SLC13A1: variants seen among roughly 807,000 people sequenced by gnomAD.
SLC13A1 encodes solute carrier family 13 member 1.
A neutral mutation model predicts 70.0 loss-of-function variants in SLC13A1; 65 were observed. The ratio of observed to expected loss-of-function variants is 0.93; its 90% CI spans 0.76 to 1.14. SLC13A1 has a LOEUF of 1.14. SLC13A1 is among the 50% of genes most tolerant of loss of function. The pLI is 0.00. For synonymous variants in SLC13A1, 275 were observed against 250.5 expected, an observed-to-expected ratio of 1.10 and a Z score of -0.92; for missense variants, 726 against 717.8, an observed-to-expected ratio of 1.01 and a Z score of -0.13.
intron 6 of SLC13A1, among the ~76,000 whole-genome samples, chr7:123,166,032 C>T (rs1315337928): frequency 1.3e-5 from 2 of 151,998 alleles, no homozygotes; most frequent in Non-Finnish European, 2.9e-5. Context: ...AATGTCTTTA[C>T]ATTATACTTC....
intron 1 of SLC13A1, among the ~76,000 whole-genome samples, chr7:123,194,378 C>A (rs1796105911): frequency 6.6e-6 from 1 of 152,000 alleles, no homozygotes; most frequent in South Asian, 2.1e-4. Context: ...GAGGAAAATG[C>A]AAATGTGGGA....
chr7:123,166,517 T>C (rs887487396), intron 6 of SLC13A1, among the ~76,000 whole-genome samples: 3 of 152,184 alleles, frequency 2.0e-5, no homozygotes, highest in South Asian at 2.1e-4. Flanking sequence ...TAACATTAGG[T>C]ATATCTCCTA....
intron 7 of SLC13A1, among the ~76,000 whole-genome samples, chr7:123,138,097 T>G (rs1794011732): frequency 6.6e-6 from 1 of 152,158 alleles, no homozygotes; most frequent in East Asian, 1.9e-4. Flanking sequence ...TTGGTCACCA[T>G]TCTTCTACTG....
chr7:123,163,348 T>C (rs1794972866), intron 6 of SLC13A1, among the ~76,000 whole-genome samples: 1 of 152,100 alleles, frequency 6.6e-6, no homozygotes, highest in African/African-American at 2.4e-5. Flanking sequence ...CCACTTTATT[T>C]TGGGCAAGTA....
At chr7:123,151,952 ATCT>A (rs1794571764) in intron 6 of SLC13A1, among the ~76,000 whole-genome samples, 2 of 152,056 alleles carry the variant, frequency 1.3e-5, no homozygotes, top group Admixed American at 6.6e-5. Flanking sequence ...GTGTTTATAG[ATCT>A]TCTTGCATCA....
At position 123,115,590 on chromosome 7, in the gene SLC13A1, C is replaced by T. The variant is rs1410166299; in HGVS notation, c.1716G>A (p.Trp572Ter). ...VAVVMLGICT[W>*]IVPMFDLYTY... The stretch of plus-strand genomic sequence containing the variant: ...TGTAGAGGTCAAACATGGGTACAAT[C>T]CAAGTACATATGCCAAGCATAACCA... The change falls in exon 15 of 15, where the codon TGG becomes TGA. Residue 572 changes from tryptophan to a stop codon, truncating the protein, a stop_gained. Transcript: ENST00000194130. LOFTEE classifies it high-confidence loss of function. The T allele has an allele frequency of 1.9e-6, 3 of 1,613,602 alleles. No homozygotes were observed. The African/African-American group carries it at 4.0e-5, about 22-fold the overall frequency.
chr7:123,121,110 T>C (rs1229444772), intron 12 of SLC13A1, among the ~76,000 whole-genome samples: 1 of 152,114 alleles, frequency 6.6e-6, no homozygotes, highest in Non-Finnish European at 1.5e-5. Context: ...GTTCTAATGT[T>C]CTTATCTCTT....
In SLC13A1 at chr7:123,122,062, C is replaced by T. The variant is rs1045710060; in HGVS notation, c.1350+1064G>A. On this transcript the variant is annotated intron_variant, in intron 12 of 14. Coordinates refer to ENST00000194130, the MANE Select transcript of SLC13A1 (RefSeq NM_022444.4). ...GAGAACCTTGTGCATCAGGCTGAGTCCACACCTTTTCGTTTCCTCAGATTT... is the reference window on the plus strand; with the variant it reads ...GAGAACCTTGTGCATCAGGCTGAGTTCACACCTTTTCGTTTCCTCAGATTT... 2.0e-5 allele frequency among the ~76,000 whole-genome samples: 3 copies of T among 152,062 alleles called. 1 individual carries two copies. The highest frequency in any genetic ancestry group is 4.1e-4 in the South Asian group (2 of 4,832).
chr7:123,162,075 A>G (rs542838189), intron 6 of SLC13A1, among the ~76,000 whole-genome samples: 1 of 151,342 alleles, frequency 6.6e-6, no homozygotes, highest in East Asian at 1.9e-4. Context: ...ATAGGAGAAC[A>G]CTGTTGAGTA....
chr7:123,175,715 A>G (rs961074652), intron 2 of SLC13A1, among the ~76,000 whole-genome samples: 1 of 152,158 alleles, frequency 6.6e-6, no homozygotes, highest in African/African-American at 2.4e-5. Context: ...ACCCAGCTTA[A>G]TGTATTTTGT....
intron 6 of SLC13A1, among the ~76,000 whole-genome samples, chr7:123,166,579 G>A (rs1005646960): frequency 2.6e-5 from 4 of 151,934 alleles, no homozygotes; most frequent in African/African-American, 7.3e-5. Context: ...AGTGTGTGAC[G>A]TTCCCCTTCC....
chr7:123,144,387 A>G (rs1453985378), intron 7 of SLC13A1, among the ~76,000 whole-genome samples: 2 of 152,210 alleles, frequency 1.3e-5, no homozygotes, highest in East Asian at 1.9e-4. Flanking sequence ...TTAGGTAGAA[A>G]TGAGCAGATG....
intron 6 of SLC13A1, chr7:123,148,440 T>C (rs1038155714): frequency 8.9e-6 from 4 of 451,176 alleles, no homozygotes; most frequent in Non-Finnish European, 1.8e-5. Context: ...TGGTTTCACT[T>C]GGGGAATCAC....
chr7:123,182,757 C>G (rs929508675), intron 1 of SLC13A1, among the ~76,000 whole-genome samples: 24 of 152,084 alleles, frequency 1.6e-4, no homozygotes, highest in Non-Finnish European at 2.8e-4. Flanking sequence ...GATGGCACAA[C>G]TTTGGTGACA....
chr7:123,162,199 T>C (rs905954887), intron 6 of SLC13A1, among the ~76,000 whole-genome samples: 3 of 152,128 alleles, frequency 2.0e-5, no homozygotes, highest in Admixed American at 2.0e-4. Flanking sequence ...TGCTAGATAA[T>C]ATTTCAATAA....
At chr7:123,175,726 T>A (rs1795424933) in intron 2 of SLC13A1, among the ~76,000 whole-genome samples, 1 of 152,164 alleles carries the variant, frequency 6.6e-6, no homozygotes, top group Non-Finnish European at 1.5e-5. Flanking sequence ...TGTATTTTGT[T>A]GTAGTAATCT....
intron 6 of SLC13A1, among the ~76,000 whole-genome samples, chr7:123,167,766 T>C (rs567366147): frequency 6.6e-6 from 1 of 152,146 alleles, no homozygotes; most frequent in Non-Finnish European, 1.5e-5. Context: ...GAATTCTGCA[T>C]TGATTTTTTT....
intron 10 of SLC13A1, among the ~76,000 whole-genome samples, chr7:123,128,156 T>A (rs1793628073): frequency 6.6e-6 from 1 of 152,002 alleles, no homozygotes; most frequent in Admixed American, 6.6e-5. Flanking sequence ...AAATTCCTTA[T>A]CTATGAAATG....
chr7:123,191,383 C>T (rs1021867380), intron 1 of SLC13A1, among the ~76,000 whole-genome samples: 3 of 152,094 alleles, frequency 2.0e-5, no homozygotes, highest in African/African-American at 7.2e-5. Flanking sequence ...GACTCTGGTC[C>T]CTGAATGGCA....
Sources: allele counts gnomAD v4.1 joint callset (sites outside exome capture counted in the v4.1 genomes callset), GRCh38; gene constraint gnomAD v4.1.1; transcripts MANE v1.5; gene names NCBI Gene and HGNC (gene_info 2026-07-23, HGNC 2026-07-21).